Variants in SNPH observed in about 807,000 individuals in gnomAD.
The protein encoded by SNPH is syntaphilin.
Under a neutral mutation model 36.8 loss-of-function variants are expected in SNPH, and 10 were observed. The observed-to-expected ratio is 0.27, with a 90% confidence interval of 0.17 to 0.46. The LOEUF (loss-of-function observed/expected upper bound fraction) is 0.46. SNPH is among the 20% of genes least tolerant of loss of function. The pLI is 1.00. For missense variants in SNPH, 622 were observed against 744.0 expected (o/e 0.84, Z 1.91); for synonymous variants, 281 against 312.2 (o/e 0.90, Z 1.05).
Position 1,296,138 on chromosome 20 carries a change from G to A in SNPH, c.-102G>A. The A allele has an allele frequency of 9.9e-7, 1 of 1,010,666 alleles. No homozygotes were observed. The highest frequency in any genetic ancestry group is 1.4e-6 in the Non-Finnish European group (1 of 720,700). 62.6% of individuals were successfully genotyped at this position (1,010,666 alleles called of 1,614,324 possible). A position where few individuals can be genotyped will look rare whatever the true frequency, so the allele number is the denominator to read the frequency against. On this transcript the variant is annotated 5_prime_UTR_variant, in exon 4 of 7. Transcript: ENST00000381867. ...AGTTGTGGTTTTAAGTTGGGTGGTG[G>A]GAACCTGTGCACCAGCCCTATTCAA... is the stretch of plus-strand genomic sequence containing the variant.
At chr20:1,301,183 C>T (rs1026845144) in intron 6 of SNPH, among the ~76,000 whole-genome samples, 3 of 152,192 alleles carry the variant, frequency 2.0e-5, no homozygotes, top group African/African-American at 4.8e-5. Context: ...GCCCCAGAAG[C>T]CATCTACTTC....
chr20:1,304,747 G>A lies in SNPH; in HGVS notation c.441-131G>A, dbSNP rs1379973892. 3 of 782,430 alleles carry A rather than the reference G, an allele frequency of 3.8e-6. No individual in the cohort carries two copies. Among genetic ancestry groups the A allele is most frequent in the Non-Finnish European group, 6.2e-6 (3 of 486,180 alleles). 48.5% of individuals were successfully genotyped at this position (782,430 alleles called of 1,614,324 possible). A position where few individuals can be genotyped will look rare whatever the true frequency, so the allele number is the denominator to read the frequency against. ...AAGAAGGCATTGAGTTTGTCCTTCT[G>A]TTTTGGGTTCTGAGCCACAGCAGCA... On this transcript the variant is annotated intron_variant, in intron 6 of 6. Coordinates refer to ENST00000381867, the MANE Select transcript of SNPH (RefSeq NM_001318234.2). The surrounding 1 kb of genome is among the most constrained non-coding windows in gnomAD (Gnocchi z 4.3).
At chr20:1,288,105 C>T (rs998074045) in intron 2 of SNPH, among the ~76,000 whole-genome samples, 44 of 152,368 alleles carry the variant, frequency 2.9e-4, no homozygotes, top group African/African-American at 1.0e-3. Context: ...GCCCAGGTCA[C>T]TTGGCCTAGC....
At chr20:1,292,519 T>A (rs1042092843) in intron 2 of SNPH, among the ~76,000 whole-genome samples, 1 of 152,234 alleles carries the variant, frequency 6.6e-6, no homozygotes, top group Non-Finnish European at 1.5e-5. Context: ...CAGGCCCTCC[T>A]AATTTCTCCC....
chr20:1,277,624 C>G (rs1318877375), intron 2 of SNPH, among the ~76,000 whole-genome samples: 1 of 123,390 alleles, frequency 8.1e-6, no homozygotes, highest in Non-Finnish European at 1.7e-5. Context: ...GTATGTGTGC[C>G]TGTGTGTGTG....
intron 2 of SNPH, among the ~76,000 whole-genome samples, chr20:1,278,813 A>G (rs1311172090): frequency 1.3e-5 from 2 of 152,142 alleles, no homozygotes; most frequent in Non-Finnish European, 2.9e-5. Flanking sequence ...CCTCCTGCGT[A>G]GCTGAGATTA....
chr20:1,287,398 G>T (rs968296239), intron 2 of SNPH, among the ~76,000 whole-genome samples: 8 of 151,848 alleles, frequency 5.3e-5, no homozygotes, highest in African/African-American at 1.9e-4. Context: ...GGTTCCCTTT[G>T]TTCTTTTTTT....
rs753590915 is a variant in SNPH, at chr20:1,300,543, G to T, written c.291-19G>T. The T allele has an allele frequency of 2.6e-5, 42 of 1,613,702 alleles. No individual in the cohort carries two copies. The highest frequency in any genetic ancestry group is 3.3e-5 in the Non-Finnish European group (39 of 1,179,930). ...CCTGACCTCTTCCTCCCTCCCTGAT[G>T]ATGGGCGTCCCCTTGCAGGCGCTCC... On this transcript the variant is annotated intron_variant, in intron 5 of 6. Transcript: ENST00000381867.
intron 2 of SNPH, among the ~76,000 whole-genome samples, chr20:1,280,361 C>T (rs2088202636): frequency 6.6e-6 from 1 of 152,224 alleles, no homozygotes; most frequent in Non-Finnish European, 1.5e-5. Flanking sequence ...AGGCTACACA[C>T]AAGCATTCAG....
In SNPH at chr20:1,296,439, T is replaced by C; in HGVS notation, c.182+18T>C. 6.3e-7 allele frequency: 1 copy of C among 1,583,908 alleles called. No homozygotes were observed. The highest frequency in any genetic ancestry group is 8.6e-7 in the Non-Finnish European group (1 of 1,168,030). ...TCACGCAGGTGAGTCTCCCCCTCGC[T>C]CACAGCCTAGGCTTCGGAGGGCGGG... is the stretch of plus-strand genomic sequence containing the variant. On this transcript the variant is annotated intron_variant, in intron 4 of 6. Transcript: ENST00000381867.
rs1044207515 is a variant in SNPH, at chr20:1,294,738, A to C, written c.-492-213A>C. ...GGCAGCCCCGCCGCTGGCTGGGATG[A>C]CCAGGCTCCGGGGAGGCCCTGACAT... On this transcript the variant is annotated intron_variant, in intron 2 of 6. Coordinates refer to ENST00000381867, the MANE Select transcript of SNPH (RefSeq NM_001318234.2). The surrounding 1 kb of genome is among the most constrained non-coding windows in gnomAD (Gnocchi z 4.4). Among the ~76,000 whole-genome samples, 1 of 152,100 alleles carries C rather than the reference A, an allele frequency of 6.6e-6. No homozygotes were observed.
At position 1,305,845 on chromosome 20, in the gene SNPH, A is replaced by C. The variant is rs2088569611; in HGVS notation, c.1408A>C (p.Ile470Leu). The stretch of plus-strand genomic sequence containing the variant: ...CAAGAGCTACTGGAGCCGCCACTAC[A>C]TCGTGGATCTGCTGGCTGTGGTGGT... ...EPKSYWSRHY[I>L]VDLLAVVVPA... Residue 470 changes from isoleucine to leucine, a missense_variant, in exon 7 of 7, where the codon ATC (isoleucine) becomes CTC (leucine). Physicochemically the swap from Ile to Leu is conservative, Grantham distance 5. Coordinates refer to ENST00000381867, the MANE Select transcript of SNPH (RefSeq NM_001318234.2). 6.3e-7 allele frequency: 1 copy of C among 1,594,274 alleles called. No individual in the cohort carries two copies. The highest frequency in any genetic ancestry group is 2.3e-5 in the East Asian group (1 of 44,252).
In SNPH at chr20:1,276,328, C is replaced by G. The variant is rs1178614387; in HGVS notation, c.-493+9568C>G. ...GTAAGGAATCCCTGAGGCCAGCCAT[C>G]CAGATGAAAAAGCCCAGGATCCAAG... On this transcript the variant is annotated intron_variant, in intron 2 of 6. Coordinates refer to ENST00000381867, the MANE Select transcript of SNPH (RefSeq NM_001318234.2). The surrounding 1 kb of genome is among the most constrained non-coding windows in gnomAD (Gnocchi z 4.6). 6.6e-6 allele frequency among the ~76,000 whole-genome samples: 1 copy of G among 152,172 alleles called. No individual in the cohort carries two copies. The highest frequency in any genetic ancestry group is 1.5e-5 in the Non-Finnish European group (1 of 68,020).
At chr20:1,274,358 A>C (rs2088107014) in intron 2 of SNPH, among the ~76,000 whole-genome samples, 1 of 151,876 alleles carries the variant, frequency 6.6e-6, no homozygotes, top group African/African-American at 2.4e-5. Context: ...TGAAAGGGAG[A>C]AAATTCTAAA....
chr20:1,277,740 C>CTAT, intron 2 of SNPH, among the ~76,000 whole-genome samples: 1 of 91,012 alleles, frequency 1.1e-5, no homozygotes, highest in South Asian at 3.5e-4. Context: ...CTGTGTGTGT[C>CTAT]GTGTGTCTGT....
Position 1,304,552 on chromosome 20 carries a change from T to G in SNPH, c.441-326T>G, listed in dbSNP as rs6041267. 6.9e-3 allele frequency among the ~76,000 whole-genome samples: 1,046 copies of G among 151,214 alleles called. 16 individuals are homozygous for G. The highest frequency in any genetic ancestry group is 0.024 in the African/African-American group (988 of 41,008). On this transcript the variant is annotated intron_variant, in intron 6 of 6. Transcript: ENST00000381867. The surrounding 1 kb of genome is among the most constrained non-coding windows in gnomAD (Gnocchi z 4.3). ...CATCTTTGTTGTCTAGTCTCTTCTC[T>G]AGATGATGGATTTGAATGTTGAGAG...
At chr20:1,280,049 A>T (rs562114557) in intron 2 of SNPH, among the ~76,000 whole-genome samples, 58 of 152,168 alleles carry the variant, frequency 3.8e-4, no homozygotes, top group African/African-American at 1.4e-3. Context: ...TTCAGTAAGG[A>T]AGGTTTGTTG....
intron 2 of SNPH, among the ~76,000 whole-genome samples, chr20:1,287,137 C>T (rs186260056): frequency 2.9e-4 from 44 of 152,284 alleles, no homozygotes; most frequent in African/African-American, 9.6e-4. Context: ...TTCCTGCCCT[C>T]CCATAACCAT....
At position 1,294,524 on chromosome 20, in the gene SNPH, G is replaced by A. The variant is rs112500697; in HGVS notation, c.-492-427G>A. ...CCTGGGTGACTGGGGCATAATGAGT[G>A]GGAAGCATTGCCAAGCTGGGGCAAG... On this transcript the variant is annotated intron_variant, in intron 2 of 6. Transcript: ENST00000381867. This position sits in a 1 kb window ranked among gnomAD's most constrained non-coding sequence, Gnocchi z 4.4. Among the ~76,000 whole-genome samples, 2,555 of 152,322 alleles carry A rather than the reference G, an allele frequency of 0.017. 58 individuals carry two copies. The highest frequency in any genetic ancestry group is 0.058 in the African/African-American group (2,424 of 41,574).
Sources: allele counts gnomAD v4.1 joint callset (sites outside exome capture counted in the v4.1 genomes callset), GRCh38; gene constraint gnomAD v4.1.1; non-coding constraint Gnocchi (gnomAD v3.1); transcripts MANE v1.5; gene names NCBI Gene and HGNC (gene_info 2026-07-23, HGNC 2026-07-21).